Variants in NAA35 observed in about 807,000 individuals in gnomAD.
The protein encoded by NAA35 is N-alpha-acetyltransferase 35, NatC auxiliary subunit.
Under a neutral mutation model 101.7 loss-of-function variants are expected in NAA35, and 18 were observed. That is an observed-to-expected ratio of 0.18 (90% CI 0.12 to 0.26). The LOEUF is 0.26. NAA35 is among the 10% of genes least tolerant of loss of function. The pLI is 1.00. For missense variants in NAA35, 601 were observed against 886.8 expected (o/e 0.68, Z 4.09); for synonymous variants, 267 against 273.1 (o/e 0.98, Z 0.22).
intron 21 of NAA35, 143 bp downstream of exon 21, chr9:86,018,964 T>A: frequency 9.1e-7 from 1 of 1,094,500 alleles, no homozygotes; most frequent in Non-Finnish European, 1.3e-6. Context: ...GGATTTCAGG[T>A]AGTTTTGTCA....
intron 5 of NAA35, among the ~76,000 whole-genome samples, chr9:85,960,821 T>C (rs1296478354): frequency 6.6e-6 from 1 of 151,916 alleles, no homozygotes; most frequent in Non-Finnish European, 1.5e-5. Context: ...TCTGAGAGAG[T>C]AAGAAAGGCT....
intron 5 of NAA35, among the ~76,000 whole-genome samples, chr9:85,960,853 T>C (rs1829482934): frequency 6.6e-6 from 1 of 152,158 alleles, no homozygotes; most frequent in South Asian, 2.1e-4. Flanking sequence ...TTAATACTGG[T>C]GTGAGGTACT....
intron 8 of NAA35, among the ~76,000 whole-genome samples, chr9:85,975,941 T>TG (rs977710115): frequency 6.6e-6 from 1 of 152,090 alleles, no homozygotes; most frequent in African/African-American, 2.4e-5. Context: ...TTCATAGAGA[T>TG]GGGGGAAAAG....
chr9:86,004,738 C>T (rs1373203100), intron 13 of NAA35, among the ~76,000 whole-genome samples: 1 of 152,070 alleles, frequency 6.6e-6, no homozygotes, highest in Non-Finnish European at 1.5e-5. Flanking sequence ...TCATTACAGA[C>T]TCTGTAAACA....
intron 12 of NAA35, among the ~76,000 whole-genome samples, chr9:85,997,999 C>T (rs1469055409): frequency 6.6e-6 from 1 of 152,076 alleles, no homozygotes; most frequent in Non-Finnish European, 1.5e-5. Context: ...ACTGCAAGCT[C>T]CACCTCCCAG....
chr9:86,022,024 A>C lies in NAA35; in HGVS notation c.*64A>C. On this transcript the variant is annotated 3_prime_UTR_variant, in exon 23 of 23. Coordinates refer to ENST00000361671, the MANE Select transcript of NAA35 (RefSeq NM_024635.4). Reference sequence around the variant, plus strand: ...CTTTCAGACCCAACTCTTAGAGGGCACATCACCAGGCTCCACATCACGGGA... The same window carrying C: ...CTTTCAGACCCAACTCTTAGAGGGCCCATCACCAGGCTCCACATCACGGGA... 1 of 1,233,508 alleles carries C rather than the reference A, an allele frequency of 8.1e-7. No individual in the cohort carries two copies. 76.4% of individuals were successfully genotyped at this position (1,233,508 alleles called of 1,614,324 possible).
In NAA35 at chr9:86,023,645, A is replaced by G. The variant is rs570976386; in HGVS notation, c.*1685A>G. The stretch of plus-strand genomic sequence containing the variant: ...CTAGATGATGGGATCACTTTTAATT[A>G]AGAGGGTGTGCTGGCATTTTTTAGC... On this transcript the variant is annotated 3_prime_UTR_variant, in exon 23 of 23. Transcript: ENST00000361671. Among the ~76,000 whole-genome samples the G allele has an allele frequency of 1.4e-3, 211 of 152,330 alleles. No individual in the cohort carries two copies. Among genetic ancestry groups the G allele is most frequent in the Non-Finnish European group, 2.1e-3 (144 of 68,020 alleles).
chr9:86,001,880 GAT>G (rs1463946804), intron 12 of NAA35, among the ~76,000 whole-genome samples: 1 of 152,082 alleles, frequency 6.6e-6, no homozygotes, highest in Non-Finnish European at 1.5e-5. Flanking sequence ...AGGTTAGTAT[GAT>G]ATGTGTGGAT....
At chr9:86,013,255 C>G (rs548636715) in intron 16 of NAA35, 111 bp downstream of exon 16, 2 of 571,306 alleles carry the variant, frequency 3.5e-6, no homozygotes, top group Admixed American at 3.4e-5. Context: ...CAACATGATC[C>G]ACTTTTCACT....
chr9:85,958,266 A>G (rs1386819391), intron 3 of NAA35, among the ~76,000 whole-genome samples: 3 of 152,204 alleles, frequency 2.0e-5, no homozygotes, highest in Non-Finnish European at 4.4e-5. Flanking sequence ...CTCACAGTGC[A>G]TGTGAAATAA....
chr9:86,015,672 T>G (rs1434921984), intron 17 of NAA35: 2 of 873,210 alleles, frequency 2.3e-6, no homozygotes, highest in African/African-American at 3.6e-5. Context: ...CTCTTAGACA[T>G]AAATGTATAT....
At position 85,995,039 on chromosome 9, in the gene NAA35, A is replaced by G. The variant is rs1831096306; in HGVS notation, c.878-1360A>G. On this transcript the variant is annotated intron_variant, in intron 11 of 22. Coordinates refer to ENST00000361671, the MANE Select transcript of NAA35 (RefSeq NM_024635.4). ...TACATCAGTTTTTAAAAAAGAAAAA[A>G]TTATTATGTAATGACCATGTGCTAT... Among the ~76,000 whole-genome samples the G allele has an allele frequency of 3.3e-5, 5 of 152,104 alleles. No individual in the cohort carries two copies. In the South Asian group the frequency reaches 8.3e-4, roughly 25 times the overall value.
chr9:85,987,281 G>A (rs564968143), intron 11 of NAA35, among the ~76,000 whole-genome samples: 37 of 152,302 alleles, frequency 2.4e-4, no homozygotes, highest in African/African-American at 8.7e-4. Flanking sequence ...AAAATGTTGT[G>A]TGTATTAAAA....
At chr9:85,973,978 G>T (rs145186570) in intron 6 of NAA35, among the ~76,000 whole-genome samples, 13 of 150,480 alleles carry the variant, frequency 8.6e-5, no homozygotes, top group African/African-American at 3.2e-4. Context: ...TTTTTTTGAG[G>T]CAGAGTCTCA....
intron 2 of NAA35, among the ~76,000 whole-genome samples, chr9:85,955,329 T>TAC (rs1829197350): frequency 2.6e-5 from 2 of 77,678 alleles, no homozygotes; most frequent in East Asian, 5.1e-4. Context: ...TCTATATACA[T>TAC]ATATATATAT....
intron 3 of NAA35, among the ~76,000 whole-genome samples, chr9:85,957,538 A>T (rs1178915886): frequency 6.6e-6 from 1 of 152,162 alleles, no homozygotes; most frequent in Non-Finnish European, 1.5e-5. Flanking sequence ...CATGCCCCAG[A>T]CACTTCCCAC....
intron 14 of NAA35, among the ~76,000 whole-genome samples, chr9:86,008,995 A>G (rs1206231973): frequency 6.6e-6 from 1 of 152,172 alleles, no homozygotes; most frequent in Admixed American, 6.5e-5. Flanking sequence ...AGCTCCTAGC[A>G]TACTAGGGTC....
At chr9:85,996,616 T>A in intron 12 of NAA35, 39 bp downstream of exon 12, 2 of 1,412,476 alleles carry the variant, frequency 1.4e-6, no homozygotes, top group Non-Finnish European at 9.5e-7. Flanking sequence ...AACTTCCATT[T>A]AAAAAAAATT....
At chr9:85,983,036 G>C (rs1830496409) in intron 11 of NAA35, among the ~76,000 whole-genome samples, 1 of 152,108 alleles carries the variant, frequency 6.6e-6, no homozygotes, top group Non-Finnish European at 1.5e-5. Flanking sequence ...CATGAGAACT[G>C]GTTGATAATC....
Sources: allele counts gnomAD v4.1 joint callset (sites outside exome capture counted in the v4.1 genomes callset), GRCh38; gene constraint gnomAD v4.1.1; transcripts MANE v1.5; gene names NCBI Gene and HGNC (gene_info 2026-07-23, HGNC 2026-07-21).